The following PAX4 variants were observed in gnomAD, a reference collection of about 807,000 sequenced individuals.
PAX4 encodes the protein paired box 4.
A neutral mutation model predicts 40.6 loss-of-function variants in PAX4; 33 were observed. That is an observed-to-expected ratio of 0.81 (90% CI 0.62 to 1.09). The LOEUF is 1.09. PAX4 is among the 50% of genes least tolerant of loss of function. The pLI is 0.00. For synonymous variants in PAX4, 174 were observed against 170.6 expected (o/e 1.02, Z -0.16); for missense variants, 459 against 442.5 (o/e 1.04, Z -0.33).
At chr7:127,611,796 T>C (rs1286406709) in intron 10 of PAX4, 120 bp from the exon 11 acceptor site, 6 of 1,599,222 alleles carry the variant, frequency 3.8e-6, no homozygotes, top group Admixed American at 3.4e-5. Context: ...GAGGGCACCA[T>C]TCACATAGTA....
chr7:127,616,928 A>AG (rs1794731762), intron 2 of PAX4, among the ~76,000 whole-genome samples: 1 of 152,246 alleles, frequency 6.6e-6, no homozygotes, highest in African/African-American at 2.4e-5. Flanking sequence ...TACTTTCATT[A>AG]GTAATCAATG....
At chr7:127,612,074 G>A in intron 9 of PAX4, 74 bp from the exon 10 acceptor site, 1 of 1,441,688 alleles carries the variant, frequency 6.9e-7, no homozygotes, top group Non-Finnish European at 9.7e-7. Flanking sequence ...TGAGAGGCAG[G>A]AAGGTTGGAT....
At position 127,611,121 on chromosome 7, in the gene PAX4, A is replaced by G; in HGVS notation, c.999T>C (p.Leu333=). The change falls in exon 12 of 12, where the codon CTT becomes CTC. Residue 333 remains leucine (L), a synonymous_variant. Coordinates refer to ENST00000639438, the MANE Select transcript of PAX4 (RefSeq NM_001366110.1). ...GCCAGAGCAGGGCCTGAGAGCCACT[A>G]AGACTGGCCAGGTGACAGTGGGAGG... ...CPSSHCHLAS[L]SGSQALLWPG... is the part of the protein sequence containing the mutation. The G allele has an allele frequency of 1.2e-6, 2 of 1,607,898 alleles. No individual in the cohort carries two copies. Among genetic ancestry groups the G allele is most frequent in the African/African-American group, 2.7e-5 (2 of 74,984 alleles).
chr7:127,613,748 C>A lies in PAX4; in HGVS notation c.562+8G>T. The A allele has an allele frequency of 1.2e-6, 2 of 1,613,896 alleles. No homozygotes were observed. The highest frequency in any genetic ancestry group is 8.5e-7 in the Non-Finnish European group (1 of 1,179,958). On this transcript the variant is annotated splice_region_variant and intron_variant, in intron 7 of 11. Coordinates refer to ENST00000639438, the MANE Select transcript of PAX4 (RefSeq NM_001366110.1). Reference sequence around the variant, plus strand: ...CTCTCTGACCCTCCATCTGTCCCAGCCCAGCACCTTTCTCCAGTGCCTCTG... The same window carrying A: ...CTCTCTGACCCTCCATCTGTCCCAGACCAGCACCTTTCTCCAGTGCCTCTG...
At chr7:127,616,756 G>C (rs1445641039) in intron 2 of PAX4, among the ~76,000 whole-genome samples, 1 of 152,206 alleles carries the variant, frequency 6.6e-6, no homozygotes, top group East Asian at 1.9e-4. Context: ...GATGTTTCTG[G>C]TATCAGACAC....
intron 11 of PAX4, 36 bp downstream of exon 11, chr7:127,611,499 C>T: frequency 6.2e-7 from 1 of 1,613,244 alleles, no homozygotes; most frequent in Admixed American, 1.7e-5. Flanking sequence ...ACCCTCCCTA[C>T]ATCCTGCAGG....
rs1230231108 is a variant in PAX4, at chr7:127,615,113, C to A, written c.145-18G>T. 6.2e-7 allele frequency: 1 copy of A among 1,614,126 alleles called. No homozygotes were observed. Among genetic ancestry groups the A allele is most frequent in the Non-Finnish European group, 8.5e-7 (1 of 1,180,038 alleles). ...TTAGATACCTGAGTCAGGTGAGAAG[C>A]AGGGACAGGTGAGGCATGATGGGCA... On this transcript the variant is annotated intron_variant, in intron 4 of 11. Transcript: ENST00000639438.
intron 11 of PAX4, 36 bp downstream of exon 11, chr7:127,611,499 C>A (rs1794624647): frequency 1.2e-6 from 2 of 1,613,126 alleles, no homozygotes; most frequent in Admixed American, 1.7e-5. Flanking sequence ...ACCCTCCCTA[C>A]ATCCTGCAGG....
intron 6 of PAX4, among the ~76,000 whole-genome samples, 156 bp downstream of exon 6, chr7:127,614,326 A>G (rs1283872750): frequency 6.6e-6 from 1 of 151,788 alleles, no homozygotes; most frequent in Non-Finnish European, 1.5e-5. Context: ...CTGGACCTCA[A>G]TTTTCTTCTG....
chr7:127,613,064 A>C lies in PAX4; in HGVS notation c.673T>G (p.Trp225Gly). 1 of 1,613,526 alleles carries C rather than the reference A, an allele frequency of 6.2e-7. No homozygotes were observed. Among genetic ancestry groups the C allele is most frequent in the African/African-American group, 1.3e-5 (1 of 75,022 alleles). ...RVWFSNRRAK[W>G]RRQEKLKWEM... ...CACTTGAGCTTCTCTTGCCGACGCCATTTGGCTCTTCTGTTGGAAAACCAG... is the reference window on the plus strand; with the variant it reads ...CACTTGAGCTTCTCTTGCCGACGCCCTTTGGCTCTTCTGTTGGAAAACCAG... The change falls in exon 9 of 12, where the codon TGG (tryptophan) becomes GGG (glycine). Residue 225 changes from tryptophan to glycine, a missense_variant. Trp to Gly is a radical substitution (Grantham distance 184). Coordinates refer to ENST00000639438, the MANE Select transcript of PAX4 (RefSeq NM_001366110.1).
Position 127,610,498 on chromosome 7 carries a change from G to T in PAX4, c.*566C>A. 5.2e-6 allele frequency: 1 copy of T among 193,042 alleles called. No homozygotes were observed. The allele number at this position is 193,042 out of a possible 1,614,324, so 12.0% of individuals were successfully genotyped here. A position where few individuals can be genotyped will look rare whatever the true frequency, so the allele number is the denominator to read the frequency against. ...TGTAAGACAAGTTTCTTGTTTTTTG[G>T]GGATGCATGCTGGAAGATTTAGGAA... is the stretch of plus-strand genomic sequence containing the variant. On this transcript the variant is annotated 3_prime_UTR_variant, in exon 12 of 12. Coordinates refer to ENST00000639438, the MANE Select transcript of PAX4 (RefSeq NM_001366110.1).
In PAX4 at chr7:127,611,548, G is replaced by C. The variant is rs369573488; in HGVS notation, c.900C>G (p.Leu300=). The change falls in exon 11 of 12, where the codon CTC becomes CTG. Residue 300 remains leucine (L), a synonymous_variant. Transcript: ENST00000639438. ...CLSDTPPKAC[L]KPCWGHLPPQ... ...CTGAATTCTTACCCCAGCAGGGCTTGAGACAGGCTTTAGGTGGGGTGTCAC... is the reference window on the plus strand; with the variant it reads ...CTGAATTCTTACCCCAGCAGGGCTTCAGACAGGCTTTAGGTGGGGTGTCAC... The C allele has an allele frequency of 8.1e-6, 13 of 1,613,744 alleles. No homozygotes were observed. The highest frequency in any genetic ancestry group is 8.5e-6 in the Non-Finnish European group (10 of 1,179,858).
chr7:127,613,424 T>G, intron 8 of PAX4, 26 bp downstream of exon 8: 1 of 1,609,366 alleles, frequency 6.2e-7, no homozygotes, highest in Non-Finnish European at 8.5e-7. Context: ...CCTTGTGGTT[T>G]GTACAGTGTT....
intron 3 of PAX4, 88 bp downstream of exon 3, chr7:127,615,828 G>T: frequency 6.5e-7 from 1 of 1,533,318 alleles, no homozygotes; most frequent in Non-Finnish European, 8.7e-7. Flanking sequence ...GCCAATAGCA[G>T]ATGAAACAGT....
At position 127,614,928 on chromosome 7, in the gene PAX4, T is replaced by C. The variant is rs1215925772; in HGVS notation, c.312A>G (p.Gln104=). Residue 104 remains glutamine (Q), a synonymous_variant, in exon 5 of 12, where the codon CAA becomes CAG. Transcript: ENST00000639438. The stretch of plus-strand genomic sequence containing the variant: ...AAAGCCCTTCAGCACAAAGCTGGCG[T>C]TGGATTTCCCAGGCAAAGAGGGCTG... ...ECPALFAWEI[Q]RQLCAEGLCT... is the part of the protein sequence containing the mutation. The C allele has an allele frequency of 6.2e-7, 1 of 1,614,098 alleles. No individual in the cohort carries two copies.
chr7:127,615,211 A>G, intron 4 of PAX4, 116 bp from the exon 5 acceptor site: 1 of 1,597,768 alleles, frequency 6.3e-7, no homozygotes, highest in Non-Finnish European at 8.5e-7. Context: ...CCAGGCCATG[A>G]AGTCGGGAGT....
chr7:127,614,160 C>T (rs969285609), intron 6 of PAX4, among the ~76,000 whole-genome samples: 2 of 152,022 alleles, frequency 1.3e-5, no homozygotes, highest in Non-Finnish European at 2.9e-5. Context: ...ATGAATGATG[C>T]TCTAAGAAGC....
At chr7:127,612,605 G>A (rs1163320959) in intron 9 of PAX4, among the ~76,000 whole-genome samples, 1 of 152,016 alleles carries the variant, frequency 6.6e-6, no homozygotes, top group Non-Finnish European at 1.5e-5. Context: ...ATGGATGGAT[G>A]GAGAGATGGA....
At chr7:127,615,777 G>A in intron 3 of PAX4, 139 bp downstream of exon 3, 2 of 1,513,472 alleles carry the variant, frequency 1.3e-6, no homozygotes. Flanking sequence ...GCAGGACAGG[G>A]CAGGAAGGGA....
Sources: allele counts gnomAD v4.1 joint callset (sites outside exome capture counted in the v4.1 genomes callset), GRCh38; gene constraint gnomAD v4.1.1; transcripts MANE v1.5; gene names NCBI Gene and HGNC (gene_info 2026-07-23, HGNC 2026-07-21).